PAFAH1B1: variants seen among roughly 807,000 people sequenced by gnomAD.
PAFAH1B1 encodes the protein platelet-activating factor acetylhydrolase IB subunit beta.
Under a neutral mutation model 57.5 loss-of-function variants are expected in PAFAH1B1, and 2 were observed. The observed-to-expected ratio is 0.03, with a 90% CI of 0.01 to 0.11. The LOEUF (loss-of-function observed/expected upper bound fraction) is 0.11. PAFAH1B1 is among the 10% of genes least tolerant of loss of function. PAFAH1B1 has a pLI of 1.00. For synonymous variants in PAFAH1B1, 152 were observed against 169.6 expected (o/e 0.90, Z 0.81); for missense variants, 257 against 512.0 (o/e 0.50, Z 4.81).
chr17:2,632,465 T>C (rs192020925), intron 1 of PAFAH1B1, among the ~76,000 whole-genome samples: 10 of 152,350 alleles, frequency 6.6e-5, no homozygotes, highest in Non-Finnish European at 1.3e-4. Flanking sequence ...TATCTCTTTT[T>C]TCTTCCCTTG....
chr17:2,649,512 G>T (rs1230908531), intron 2 of PAFAH1B1, among the ~76,000 whole-genome samples: 1 of 151,874 alleles, frequency 6.6e-6, no homozygotes, highest in Admixed American at 6.6e-5. Context: ...AGGCGGGGAG[G>T]TTGCAGTGAG....
Position 2,655,784 on chromosome 17 carries a change from G to GA in PAFAH1B1, c.33-9575dup, listed in dbSNP as rs771848909. 8.0e-3 allele frequency among the ~76,000 whole-genome samples: 1,124 copies of GA among 140,948 alleles called. 12 individuals carry two copies. Among genetic ancestry groups the GA allele is most frequent in the East Asian group, 0.032 (155 of 4,918 alleles). The allele number at this position is 140,948 out of a possible 152,430, so 92.5% of individuals were successfully genotyped here. ...TGTCGTCACATTACCCGACCGATGT[G>GA]AAAAAAAAAAAAATAGAAGAGGAAA... is the stretch of plus-strand genomic sequence containing the variant. On this transcript the variant is annotated intron_variant, in intron 2 of 10. Coordinates refer to ENST00000397195, the MANE Select transcript of PAFAH1B1 (RefSeq NM_000430.4).
intron 9 of PAFAH1B1, among the ~76,000 whole-genome samples, 187 bp downstream of exon 9, chr17:2,676,793 G>A (rs1176122097): frequency 6.6e-6 from 1 of 152,160 alleles, no homozygotes; most frequent in Non-Finnish European, 1.5e-5. Flanking sequence ...CTAGAATGCA[G>A]ATTCTATAAA....
chr17:2,598,414 G>A (rs753067175), intron 1 of PAFAH1B1, among the ~76,000 whole-genome samples: 63 of 151,984 alleles, frequency 4.1e-4, no homozygotes, highest in Non-Finnish European at 7.5e-4. Flanking sequence ...TTTAAACCAA[G>A]CTGGCCATTT....
intron 2 of PAFAH1B1, chr17:2,639,218 T>C (rs1421400417): frequency 6.6e-6 from 1 of 152,136 alleles, no homozygotes; most frequent in African/African-American, 2.4e-5. Context: ...TCTTTTAAAA[T>C]ATTATGTTCA....
intron 2 of PAFAH1B1, among the ~76,000 whole-genome samples, chr17:2,663,985 T>G (rs7221255): frequency 0.012 from 1,748 of 151,856 alleles, 19 homozygotes; most frequent in Middle Eastern, 0.017. Flanking sequence ...GAGCCACCGC[T>G]CCCAGCCTCT....
chr17:2,642,815 A>G (rs981421087), intron 2 of PAFAH1B1, among the ~76,000 whole-genome samples: 38 of 152,026 alleles, frequency 2.5e-4, no homozygotes, highest in Admixed American at 6.6e-5. Flanking sequence ...TACTCATTTG[A>G]AATATAGTTG....
At chr17:2,651,753 C>T (rs1464748574) in intron 2 of PAFAH1B1, among the ~76,000 whole-genome samples, 1 of 152,058 alleles carries the variant, frequency 6.6e-6, no homozygotes, top group East Asian at 1.9e-4. Context: ...TAGAGGGTGC[C>T]ATATGCCTTT....
intron 1 of PAFAH1B1, among the ~76,000 whole-genome samples, chr17:2,618,225 A>G (rs1453104917): frequency 6.6e-6 from 1 of 152,076 alleles, no homozygotes; most frequent in East Asian, 1.9e-4. Flanking sequence ...CTCCAGCCTG[A>G]GCGACAGAGC....
At chr17:2,597,551 C>G (rs1218847853) in intron 1 of PAFAH1B1, among the ~76,000 whole-genome samples, 2 of 151,182 alleles carry the variant, frequency 1.3e-5, no homozygotes, top group Admixed American at 1.3e-4. Flanking sequence ...GTTGGGATTA[C>G]AGGTGCCTGC....
intron 8 of PAFAH1B1, 110 bp downstream of exon 8, chr17:2,674,398 C>T (rs2069231841): frequency 6.4e-6 from 5 of 779,020 alleles, no homozygotes; most frequent in South Asian, 2.9e-5. Flanking sequence ...AAATCTGCAT[C>T]CAGCAATTCT....
chr17:2,655,181 A>ATGTGTGTGTGTGTGTGTG (rs1436866557), intron 2 of PAFAH1B1, among the ~76,000 whole-genome samples: 12 of 122,674 alleles, frequency 9.8e-5, no homozygotes, highest in African/African-American at 3.0e-4. Context: ...ATATATACAT[A>ATGTGTGTGTGTGTGTGTG]TATGTGTGTG....
intron 5 of PAFAH1B1, among the ~76,000 whole-genome samples, chr17:2,667,833 A>G (rs2069128436): frequency 6.6e-6 from 1 of 151,778 alleles, no homozygotes; most frequent in African/African-American, 2.4e-5. Context: ...AAATATTATT[A>G]CCTTTTAATG....
At chr17:2,663,576 CTTA>C in intron 2 of PAFAH1B1, among the ~76,000 whole-genome samples, 2 of 122,134 alleles carry the variant, frequency 1.6e-5, no homozygotes, top group African/African-American at 6.1e-5. Flanking sequence ...CTTTACTTAA[CTTA>C]TTACTTTTAG....
chr17:2,594,541 A>G (rs1390032144), intron 1 of PAFAH1B1, among the ~76,000 whole-genome samples: 2 of 152,052 alleles, frequency 1.3e-5, no homozygotes, highest in Non-Finnish European at 2.9e-5. Context: ...CCTTCCAGGC[A>G]TTCCGTCCCC....
chr17:2,674,277 A>T lies in PAFAH1B1; in HGVS notation c.889A>T (p.Thr297Ser). 1 of 1,610,236 alleles carries T rather than the reference A, an allele frequency of 6.2e-7. No homozygotes were observed. Among genetic ancestry groups the T allele is most frequent in the South Asian group, 1.1e-5 (1 of 90,978 alleles). ...CTCATATTCCTCCATCTCTGAAGCAACAGGATCTGAGGTACTGTATATACA... is the reference window on the plus strand; with the variant it reads ...CTCATATTCCTCCATCTCTGAAGCATCAGGATCTGAGGTACTGTATATACA... ...ESSYSSISEA[T>S]GSETKKSGKP... The change falls in exon 8 of 11, where the codon ACA (threonine) becomes TCA (serine). Residue 297 changes from threonine to serine, a missense_variant. Thr to Ser is a moderately conservative substitution (Grantham distance 58, BLOSUM62 1). Transcript: ENST00000397195.
At chr17:2,632,739 A>G (rs895128849) in intron 1 of PAFAH1B1, among the ~76,000 whole-genome samples, 2 of 152,250 alleles carry the variant, frequency 1.3e-5, no homozygotes, top group East Asian at 1.9e-4. Context: ...TGAGTATTAT[A>G]TGTAATCCAG....
chr17:2,645,541 C>T (rs1214163893), intron 2 of PAFAH1B1, among the ~76,000 whole-genome samples: 4 of 150,250 alleles, frequency 2.7e-5, no homozygotes, highest in East Asian at 4.0e-4. Context: ...TGCAGTGAGC[C>T]GAGATCGCAC....
intron 1 of PAFAH1B1, chr17:2,613,446 G>T: frequency 4.1e-6 from 1 of 241,800 alleles, no homozygotes; most frequent in Admixed American, 5.1e-5. Context: ...TCCCTCTCTG[G>T]GGCCCGCAGT....
Sources: allele counts gnomAD v4.1 joint callset (sites outside exome capture counted in the v4.1 genomes callset), GRCh38; gene constraint gnomAD v4.1.1; transcripts MANE v1.5; gene names NCBI Gene and HGNC (gene_info 2026-07-23, HGNC 2026-07-21).